CCDC34: variants seen among roughly 807,000 people sequenced by gnomAD.
The protein encoded by CCDC34 is coiled-coil domain containing 34, also known as coiled-coil domain-containing protein 34.
CCDC34 carries 40 observed loss-of-function variants against 44.1 expected under a neutral mutation model. The ratio of observed to expected loss-of-function variants is 0.91; its 90% CI spans 0.70 to 1.18. CCDC34 has a LOEUF of 1.18. Ranked by LOEUF, CCDC34 falls within the 50% of genes most tolerant of loss-of-function variation. CCDC34 has a pLI of 0.00. For missense variants in CCDC34, 466 were observed against 452.3 expected (o/e 1.03, Z -0.28); for synonymous variants, 159 against 158.2 (o/e 1.01, Z -0.04).
rs759088296 is a variant in CCDC34 at position 27,340,767 on chromosome 11, C to A, written c.836G>T (p.Trp279Leu). The A allele has an allele frequency of 2.5e-6, 4 of 1,613,776 alleles. No homozygotes were observed. Among genetic ancestry groups the A allele is most frequent in the South Asian group, 2.2e-5 (2 of 91,048 alleles). Residue 279 changes from tryptophan (W) to leucine (L), a missense_variant, in exon 5 of 6, where the codon TGG (tryptophan) becomes TTG (leucine). Physicochemically the swap from Trp to Leu is moderately conservative, Grantham distance 61. Coordinates refer to ENST00000328697, the MANE Select transcript of CCDC34 (RefSeq NM_030771.2). ...AGGTTTATGTTTCGCATTTTCCAAC[C>A]ATTCTTGAAACTTTTTTTCTGCTAT... Reference protein sequence around the residue: ...KEIAEKKFQEWLENAKHKPRP... With the variant: ...KEIAEKKFQELLENAKHKPRP...
intron 3 of CCDC34, among the ~76,000 whole-genome samples, chr11:27,345,460 G>T (rs960551180): frequency 6.6e-6 from 1 of 152,076 alleles, no homozygotes; most frequent in Admixed American, 6.5e-5. Context: ...AACAGGCCCC[G>T]GTGTGTGATG....
intron 3 of CCDC34, among the ~76,000 whole-genome samples, chr11:27,343,443 T>C (rs1862392357): frequency 6.6e-6 from 1 of 151,632 alleles, no homozygotes; most frequent in South Asian, 2.1e-4. Flanking sequence ...ATTCCCCAAG[T>C]TGTATCAAAG....
intron 3 of CCDC34, among the ~76,000 whole-genome samples, chr11:27,343,780 A>T (rs1862396495): frequency 6.6e-6 from 1 of 152,174 alleles, no homozygotes; most frequent in Non-Finnish European, 1.5e-5. Flanking sequence ...TCATGATGTG[A>T]GGTAGATACC....
chr11:27,346,894 A>G (rs1482035003), intron 3 of CCDC34, among the ~76,000 whole-genome samples: 2 of 152,204 alleles, frequency 1.3e-5, no homozygotes, highest in African/African-American at 4.8e-5. Context: ...AGGAAGAGAC[A>G]CCAGGGATAT....
intron 3 of CCDC34, among the ~76,000 whole-genome samples, chr11:27,344,471 G>A (rs1862406393): frequency 6.6e-6 from 1 of 151,324 alleles, no homozygotes; most frequent in African/African-American, 2.4e-5. Context: ...TGTGTTATAC[G>A]CATTGTTACA....
At chr11:27,344,016 A>T (rs1330135313) in intron 3 of CCDC34, among the ~76,000 whole-genome samples, 1 of 152,188 alleles carries the variant, frequency 6.6e-6, no homozygotes, top group Non-Finnish European at 1.5e-5. Context: ...GTAGTGTCTG[A>T]ATAATCCTCT....
chr11:27,352,861 A>C (rs1862522174), intron 2 of CCDC34, among the ~76,000 whole-genome samples: 1 of 152,224 alleles, frequency 6.6e-6, no homozygotes, highest in Admixed American at 6.5e-5. Flanking sequence ...ATGTCTGTTC[A>C]AGTAATTTGT....
intron 1 of CCDC34, 72 bp from the exon 2 acceptor site, chr11:27,357,613 T>C (rs778632448): frequency 1.8e-4 from 251 of 1,415,520 alleles, no homozygotes; most frequent in African/African-American, 1.0e-3. Flanking sequence ...CACTTAACTG[T>C]ACAGTAAAAG....
chr11:27,349,625 A>G (rs1194671366), intron 3 of CCDC34: 9 of 983,394 alleles, frequency 9.2e-6, no homozygotes, highest in South Asian at 4.7e-5. Flanking sequence ...TGACCACAGA[A>G]TAAGTATTTT....
Position 27,338,823 on chromosome 11 carries a change from A to C in CCDC34, c.1120T>G (p.Ter374GluextTer27). The change falls in exon 6 of 6, where the codon TAG becomes GAG. Residue 374 changes from the stop codon to glutamate, a stop_lost. Transcript: ENST00000328697. ...AAGCATGTTATTTTCCACATACGCTATCTTTGTATTCTGCACAGAGTTCCA... is the reference window on the plus strand; with the variant it reads ...AAGCATGTTATTTTCCACATACGCTCTCTTTGTATTCTGCACAGAGTTCCA... ...CLGTLCRIQR* is the reference protein window; with the variant it reads ...CLGTLCRIQRE 6.2e-7 allele frequency: 1 copy of C among 1,608,794 alleles called. No homozygotes were observed. The highest frequency in any genetic ancestry group is 8.5e-7 in the Non-Finnish European group (1 of 1,176,512).
chr11:27,339,942 A>C (rs1167865450), intron 5 of CCDC34, among the ~76,000 whole-genome samples: 4 of 151,950 alleles, frequency 2.6e-5, no homozygotes, highest in Non-Finnish European at 4.4e-5. Flanking sequence ...AGAAACAAAA[A>C]GAAGGAGCGG....
chr11:27,345,987 G>A (rs896225530), intron 3 of CCDC34, among the ~76,000 whole-genome samples: 2 of 151,990 alleles, frequency 1.3e-5, no homozygotes, highest in Non-Finnish European at 2.9e-5. Context: ...TCTAACTGGT[G>A]TGAGATGGTA....
chr11:27,340,543 C>T (rs1004685510), intron 5 of CCDC34, among the ~76,000 whole-genome samples, 153 bp downstream of exon 5: 8 of 152,116 alleles, frequency 5.3e-5, no homozygotes, highest in African/African-American at 1.9e-4. Context: ...TGTAGCATCT[C>T]CATAGGAACA....
chr11:27,341,873 T>C (rs1590322066), intron 3 of CCDC34, among the ~76,000 whole-genome samples: 1 of 152,282 alleles, frequency 6.6e-6, no homozygotes, highest in East Asian at 1.9e-4. Context: ...CCAAATATCA[T>C]CTTTGAGGGA....
Position 27,338,962 on chromosome 11 carries a change from T to G in CCDC34, c.981A>C (p.Pro327=). Residue 327 remains proline, a synonymous_variant, in exon 6 of 6, where the codon CCA becomes CCC. Transcript: ENST00000328697. ...ATAGATCCTTAGCTTCTTTGGGAGG[T>G]GGCATATGAATTGGTTTCCACGGAA... is the stretch of plus-strand genomic sequence containing the variant. ...NPIPWKPIHM[P]PPKEAKDLSG... 6.2e-7 allele frequency: 1 copy of G among 1,613,868 alleles called. No individual in the cohort carries two copies. The highest frequency in any genetic ancestry group is 8.5e-7 in the Non-Finnish European group (1 of 1,179,912).
chr11:27,357,150 T>C (rs948512285), intron 2 of CCDC34, among the ~76,000 whole-genome samples: 3 of 152,158 alleles, frequency 2.0e-5, no homozygotes, highest in African/African-American at 7.2e-5. Context: ...ATACTAACAA[T>C]GATTATCTTC....
chr11:27,340,366 G>A (rs967540939), intron 5 of CCDC34, among the ~76,000 whole-genome samples: 7 of 151,794 alleles, frequency 4.6e-5, no homozygotes, highest in African/African-American at 1.7e-4. Flanking sequence ...AGGAGAGGAG[G>A]CAAAACGACC....
chr11:27,362,580 G>A (rs934971928), intron 1 of CCDC34, among the ~76,000 whole-genome samples: 4 of 152,102 alleles, frequency 2.6e-5, no homozygotes, highest in African/African-American at 9.7e-5. Flanking sequence ...TTGAGACTAT[G>A]TACATTTTTC....
At chr11:27,350,583 TTAA>T in intron 2 of CCDC34, 144 bp from the exon 3 acceptor site, 2 of 695,128 alleles carry the variant, frequency 2.9e-6, no homozygotes. Context: ...AATAACTTAC[TTAA>T]GTAACCAGTC....
Sources: gnomAD v4.1 joint callset for allele counts (sites outside exome capture counted in the v4.1 genomes callset) on GRCh38, gnomAD v4.1.1 for gene constraint, MANE v1.5 for transcripts, NCBI Gene and HGNC (gene_info 2026-07-23, HGNC 2026-07-21) for gene names.